The following MYO5B variants were observed in gnomAD, a reference collection of about 807,000 sequenced individuals.
The protein encoded by MYO5B is myosin VB, also known as unconventional myosin-Vb.
MYO5B carries 143 observed loss-of-function variants against 229.3 expected under a neutral mutation model. That is an observed-to-expected ratio of 0.62 (90% CI 0.54 to 0.72). MYO5B has a LOEUF of 0.72. Ranked by LOEUF, MYO5B falls within the 30% of genes least tolerant of loss-of-function variation. MYO5B has a pLI of 0.00. For synonymous variants in MYO5B, 918 were observed against 885.2 expected (o/e 1.04, Z -0.66); for missense variants, 2,321 against 2,331.0 (o/e 1.00, Z 0.09).
chr18:49,957,027 C>A (rs942440257), intron 12 of MYO5B, among the ~76,000 whole-genome samples: 4 of 150,964 alleles, frequency 2.6e-5, no homozygotes, highest in African/African-American at 9.8e-5. Context: ...ATACTAAAAA[C>A]CACCAAATTG....
In MYO5B at chr18:50,194,660, C is replaced by A. The variant is rs568164755; in HGVS notation, c.27+107G>T. 36 of 755,688 alleles carry A rather than the reference C, an allele frequency of 4.8e-5. No homozygotes were observed. The Admixed American group carries it at 7.8e-4, about 16-fold the overall frequency. The allele number at this position is 755,688 out of a possible 1,614,324, so 46.8% of individuals were successfully genotyped here. Reference sequence around the variant, plus strand: ...GAGGACACCGCGGAGGGGGGTCTCCCGTCACCTCCCGCCTCCAGTAGCCGA... The same window carrying A: ...GAGGACACCGCGGAGGGGGGTCTCCAGTCACCTCCCGCCTCCAGTAGCCGA... On this transcript the variant is annotated intron_variant, in intron 1 of 39. Transcript: ENST00000285039.
chr18:49,907,841 C>G (rs939633694), intron 18 of MYO5B, among the ~76,000 whole-genome samples: 6 of 152,266 alleles, frequency 3.9e-5, no homozygotes, highest in African/African-American at 1.4e-4. Flanking sequence ...CAAGAGTGGG[C>G]TCTGGGCCTG....
At position 50,119,631 on chromosome 18, in the gene MYO5B, A is replaced by G. The variant is rs549264948; in HGVS notation, c.28-64253T>C. On this transcript the variant is annotated intron_variant, in intron 1 of 39. Transcript: ENST00000285039. ...GTCAGTGAGCGGCAGGAATTAGTTC[A>G]TGATCTCCAGCTCAATTATTCACAT... Among the ~76,000 whole-genome samples the G allele has an allele frequency of 5.3e-5, 8 of 152,328 alleles. No homozygotes were observed. In the South Asian group the frequency reaches 1.5e-3, roughly 28 times the overall value.
At chr18:50,153,856 A>G (rs1206537301) in intron 1 of MYO5B, among the ~76,000 whole-genome samples, 2 of 152,158 alleles carry the variant, frequency 1.3e-5, no homozygotes, top group Admixed American at 6.5e-5. Context: ...TGAGTGAGTG[A>G]GTGGGGATAG....
intron 1 of MYO5B, among the ~76,000 whole-genome samples, chr18:50,065,011 T>C (rs1453806458): frequency 6.6e-6 from 1 of 152,228 alleles, no homozygotes; most frequent in East Asian, 1.9e-4. Flanking sequence ...TACTCTGTCT[T>C]CAAGAGATGA....
chr18:49,955,737 C>A (rs184969617), intron 12 of MYO5B, among the ~76,000 whole-genome samples: 1 of 152,282 alleles, frequency 6.6e-6, no homozygotes. Context: ...TTGCACTGGG[C>A]AGACAATAAA....
chr18:49,958,721 T>C (rs1220681817), intron 12 of MYO5B, among the ~76,000 whole-genome samples: 1 of 152,100 alleles, frequency 6.6e-6, no homozygotes, highest in Non-Finnish European at 1.5e-5. Flanking sequence ...TCTCCTCAAA[T>C]TACTGAAATT....
intron 1 of MYO5B, among the ~76,000 whole-genome samples, chr18:50,082,569 C>T (rs190098105): frequency 1.3e-5 from 2 of 152,316 alleles, no homozygotes; most frequent in East Asian, 1.9e-4. Flanking sequence ...ATGTCATCAA[C>T]ATACTGTGAG....
chr18:50,104,288 A>ATATATATATC (rs1031683380), intron 1 of MYO5B, among the ~76,000 whole-genome samples: 2 of 144,754 alleles, frequency 1.4e-5, no homozygotes, highest in African/African-American at 5.2e-5. Flanking sequence ...ATATATATAT[A>ATATATATATC]TATCTCATAA....
chr18:49,858,445 G>A (rs2024288688), intron 29 of MYO5B, among the ~76,000 whole-genome samples: 1 of 152,208 alleles, frequency 6.6e-6, no homozygotes, highest in Non-Finnish European at 1.5e-5. Context: ...TCCCACACCA[G>A]AGAGACACTG....
At chr18:49,978,662 T>G (rs1474059746) in intron 9 of MYO5B, among the ~76,000 whole-genome samples, 1 of 147,960 alleles carries the variant, frequency 6.8e-6, no homozygotes, top group Non-Finnish European at 1.5e-5. Flanking sequence ...GAGTTTGGAG[T>G]GTCACAAAGG....
intron 1 of MYO5B, among the ~76,000 whole-genome samples, chr18:50,104,921 T>C (rs8089226): frequency 0.97 from 148,337 of 152,196 alleles, 72,401 homozygotes; most frequent in East Asian, 1. Context: ...ACAGCAACAC[T>C]TGTGGGCTGG....
Position 49,875,591 on chromosome 18 carries a change from C to T in MYO5B, c.3537+96G>A, listed in dbSNP as rs765507340. On this transcript the variant is annotated intron_variant, in intron 26 of 39. Coordinates refer to ENST00000285039, the MANE Select transcript of MYO5B (RefSeq NM_001080467.3). ...CTCTGAGACTTAGCAGGAGCACAAT[C>T]CCATGTGGTCACACATGCCACATGA... 2.0e-6 allele frequency: 3 copies of T among 1,536,474 alleles called. No homozygotes were observed. The Admixed American group carries it at 5.0e-5, about 26-fold the overall frequency.
chr18:50,170,520 T>TA lies in MYO5B; in HGVS notation c.27+24246dup, dbSNP rs888023604. ...TCTAATCACATTTTTATTACCATGATACCTCATGTTGGGCCAATATGCTTT... is the reference window on the plus strand; with the variant it reads ...TCTAATCACATTTTTATTACCATGATAACCTCATGTTGGGCCAATATGCTTT... On this transcript the variant is annotated intron_variant, in intron 1 of 39. Transcript: ENST00000285039. Among the ~76,000 whole-genome samples the TA allele has an allele frequency of 1.0e-4, 13 of 127,602 alleles. 1 individual carries two copies. Among genetic ancestry groups the TA allele is most frequent in the African/African-American group, 3.8e-4 (13 of 33,770 alleles). The allele number at this position is 127,602 out of a possible 152,430, so 83.7% of individuals were successfully genotyped here.
chr18:50,021,740 C>A (rs757814993), intron 4 of MYO5B, among the ~76,000 whole-genome samples: 73 of 90,114 alleles, frequency 8.1e-4, no homozygotes, highest in Non-Finnish European at 1.7e-3. Context: ...AAAAAAAAAT[C>A]TTACAAGCAT....
At chr18:50,120,404 G>C (rs935828655) in intron 1 of MYO5B, among the ~76,000 whole-genome samples, 1 of 152,238 alleles carries the variant, frequency 6.6e-6, no homozygotes, top group African/African-American at 2.4e-5. Context: ...GGCAGCAGGA[G>C]GGTGACCCCT....
At chr18:49,864,493 C>T (rs1223753191) in intron 27 of MYO5B, 113 bp from the exon 28 acceptor site, 3 of 1,438,804 alleles carry the variant, frequency 2.1e-6, no homozygotes, top group Non-Finnish European at 2.8e-6. Context: ...GCTCTTTAAA[C>T]GTTGACACAC....
chr18:49,921,792 G>A (rs1008260112), intron 17 of MYO5B, among the ~76,000 whole-genome samples: 13 of 152,334 alleles, frequency 8.5e-5, no homozygotes, highest in African/African-American at 3.1e-4. Flanking sequence ...GGGCTCTTGG[G>A]AGCAGCCCTG....
At chr18:49,941,706 T>C (rs990148408) in intron 14 of MYO5B, among the ~76,000 whole-genome samples, 2 of 151,934 alleles carry the variant, frequency 1.3e-5, no homozygotes, top group South Asian at 2.1e-4. Flanking sequence ...GAACATTCCA[T>C]GCTCATGGGT....
Sources: allele counts gnomAD v4.1 joint callset (sites outside exome capture counted in the v4.1 genomes callset), GRCh38; gene constraint gnomAD v4.1.1; transcripts MANE v1.5; gene names NCBI Gene and HGNC (gene_info 2026-07-23, HGNC 2026-07-21).